Variants in FGFR2 observed in about 807,000 individuals in gnomAD.
The protein encoded by FGFR2 is fibroblast growth factor receptor 2.
FGFR2 carries 19 observed loss-of-function variants against 95.9 expected under a neutral mutation model. That is an observed-to-expected ratio of 0.20 (90% CI 0.14 to 0.29). FGFR2 has a LOEUF of 0.29. Ranked by LOEUF, FGFR2 falls within the 10% of genes least tolerant of loss-of-function variation. The pLI is 1.00. For synonymous variants in FGFR2, 392 were observed against 393.3 expected, an observed-to-expected ratio of 1.00 and a Z score of 0.04; for missense variants, 707 against 1,056.9, an observed-to-expected ratio of 0.67 and a Z score of 4.59.
chr10:121,573,567 G>C (rs1859195018), intron 2 of FGFR2, among the ~76,000 whole-genome samples: 1 of 152,058 alleles, frequency 6.6e-6, no homozygotes, highest in Admixed American at 6.6e-5. Context: ...GGGGAAAAAG[G>C]AGAGGAGAGA....
rs1554915724 is a variant in FGFR2 at position 121,498,610 on chromosome 10, G to C, written c.1562-5C>G. The C allele has an allele frequency of 6.2e-7, 1 of 1,612,708 alleles. No individual in the cohort carries two copies. The highest frequency in any genetic ancestry group is 8.5e-7 in the Non-Finnish European group (1 of 1,178,726). ...GGTCTTTCTCTGTGGCATCATCTAT[G>C]AACAGTAGGCATATTCACAAATCAG... is the stretch of plus-strand genomic sequence containing the variant. On this transcript the variant is annotated splice_polypyrimidine_tract_variant and splice_region_variant and intron_variant, in intron 11 of 17. Coordinates refer to ENST00000358487, the MANE Select transcript of FGFR2 (RefSeq NM_000141.5).
chr10:121,571,377 C>A (rs993762972), intron 2 of FGFR2, among the ~76,000 whole-genome samples: 9 of 140,460 alleles, frequency 6.4e-5, no homozygotes, highest in African/African-American at 2.4e-4. Context: ...CGGCTCACTG[C>A]AAGCTCCACC....
At chr10:121,583,636 G>A (rs1332738661) in intron 2 of FGFR2, 3 of 153,442 alleles carry the variant, frequency 2.0e-5, no homozygotes, top group Admixed American at 6.6e-5. Context: ...TTCTTCAAAT[G>A]TCTTTAGGAG....
At chr10:121,570,955 G>A (rs918561814) in intron 2 of FGFR2, among the ~76,000 whole-genome samples, 3 of 152,156 alleles carry the variant, frequency 2.0e-5, no homozygotes, top group Non-Finnish European at 4.4e-5. Context: ...TCAAATACTT[G>A]GGAAGTACCA....
At chr10:121,568,663 T>G (rs1489104847) in intron 2 of FGFR2, among the ~76,000 whole-genome samples, 1 of 152,080 alleles carries the variant, frequency 6.6e-6, no homozygotes, top group East Asian at 1.9e-4. Context: ...CATTTGCAAT[T>G]GTGATGCAGA....
intron 6 of FGFR2, among the ~76,000 whole-genome samples, chr10:121,520,937 T>A (rs894698682): frequency 1.4e-4 from 21 of 152,200 alleles, no homozygotes; most frequent in African/African-American, 5.1e-4. Context: ...GCCACCACGC[T>A]CGGCTCCAGT....
At chr10:121,494,531 GA>G (rs1375984705) in intron 13 of FGFR2, among the ~76,000 whole-genome samples, 1 of 152,124 alleles carries the variant, frequency 6.6e-6, no homozygotes, top group African/African-American at 2.4e-5. Context: ...ATCAAGACCA[GA>G]ATATCAAAAT....
At chr10:121,492,138 T>C (rs534765739) in intron 13 of FGFR2, among the ~76,000 whole-genome samples, 18 of 152,248 alleles carry the variant, frequency 1.2e-4, no homozygotes, top group Middle Eastern at 3.4e-3. Context: ...ATCACGCCAC[T>C]GCACTCCAGC....
intron 6 of FGFR2, among the ~76,000 whole-genome samples, chr10:121,522,416 G>C (rs1029417285): frequency 6.6e-6 from 1 of 152,096 alleles, no homozygotes; most frequent in Non-Finnish European, 1.5e-5. Flanking sequence ...AAGTTAGCCA[G>C]ACATGGTGGT....
rs1000659008 is a variant in FGFR2, at chr10:121,593,935, G to C, written c.-118C>G. 48 of 927,570 alleles carry C rather than the reference G, an allele frequency of 5.2e-5. No homozygotes were observed. Among genetic ancestry groups the C allele is most frequent in the Non-Finnish European group, 7.7e-5 (44 of 570,584 alleles). 57.5% of individuals were successfully genotyped at this position (927,570 alleles called of 1,614,324 possible). A position where few individuals can be genotyped will look rare whatever the true frequency, so the allele number is the denominator to read the frequency against. On this transcript the variant is annotated 5_prime_UTR_variant, in exon 2 of 18. Transcript: ENST00000358487. ...ATGCCTTCAGCCTGCGGTGGGCTCAGGAACCGAGGCGCTGCCGCTGCTGCT... is the reference window on the plus strand; with the variant it reads ...ATGCCTTCAGCCTGCGGTGGGCTCACGAACCGAGGCGCTGCCGCTGCTGCT...
At chr10:121,560,805 C>T (rs1379599292) in intron 4 of FGFR2, among the ~76,000 whole-genome samples, 1 of 152,056 alleles carries the variant, frequency 6.6e-6, no homozygotes, top group Non-Finnish European at 1.5e-5. Context: ...CAGGGCAGAC[C>T]TCCACGTGCA....
At chr10:121,559,152 C>T (rs189467285) in intron 4 of FGFR2, among the ~76,000 whole-genome samples, 64 of 140,270 alleles carry the variant, frequency 4.6e-4, no homozygotes, top group African/African-American at 1.6e-3. Context: ...AGCCCAAAAA[C>T]GTCACCATCA....
chr10:121,487,956 C>T lies in FGFR2; in HGVS notation c.1986+35G>A, dbSNP rs775716570. 15 of 1,613,734 alleles carry T rather than the reference C, an allele frequency of 9.3e-6. 1 individual carries two copies. In the Admixed American group the frequency reaches 1.0e-4, roughly 11 times the overall value. ...CCTGGAACATTCTGAGCCTCACCCC[C>T]GCCCCTGCCCACTGTGTTACTGCCA... On this transcript the variant is annotated intron_variant, in intron 14 of 17. Coordinates refer to ENST00000358487, the MANE Select transcript of FGFR2 (RefSeq NM_000141.5).
chr10:121,562,745 A>C lies in FGFR2; in HGVS notation c.454+1757T>G, dbSNP rs138249318. ...AAAGAAGCCAATCTGTAAAGGCTAC[A>C]CACTGTATGATTACATACCCTAAAG... On this transcript the variant is annotated intron_variant, in intron 4 of 17. Transcript: ENST00000358487. Among the ~76,000 whole-genome samples the C allele has an allele frequency of 2.3e-3, 346 of 152,360 alleles. 3 individuals are homozygous for C. The highest frequency in any genetic ancestry group is 7.8e-3 in the African/African-American group (323 of 41,584).
At chr10:121,591,009 A>ACG (rs58728046) in intron 2 of FGFR2, among the ~76,000 whole-genome samples, 208 of 142,696 alleles carry the variant, frequency 1.5e-3, no homozygotes, top group South Asian at 7.2e-3. Context: ...ACACACACGC[A>ACG]CACTCTCTCT....
At chr10:121,537,047 T>C (rs1257316384) in intron 6 of FGFR2, among the ~76,000 whole-genome samples, 1 of 152,240 alleles carries the variant, frequency 6.6e-6, no homozygotes, top group African/African-American at 2.4e-5. Flanking sequence ...ATGTTAATCA[T>C]TTTCTTCTCA....
intron 3 of FGFR2, 93 bp from the exon 4 acceptor site, chr10:121,564,672 C>T: frequency 1.7e-6 from 2 of 1,149,936 alleles, no homozygotes; most frequent in Non-Finnish European, 1.3e-6. Flanking sequence ...ATAGCAAAGT[C>T]AACAACCCAG....
intron 6 of FGFR2, among the ~76,000 whole-genome samples, chr10:121,537,494 CG>C (rs552281914): frequency 1.7e-3 from 256 of 152,124 alleles, no homozygotes; most frequent in Middle Eastern, 3.4e-3. Flanking sequence ...CAATATGTAA[CG>C]GGGTCTCCCT....
At chr10:121,504,074 A>G (rs1189524818) in intron 9 of FGFR2, 133 bp from the exon 10 acceptor site, 1 of 1,009,792 alleles carries the variant, frequency 9.9e-7, no homozygotes, top group African/African-American at 1.6e-5. Context: ...CAGAAACCAA[A>G]TTAGAAAACC....
Sources: allele counts gnomAD v4.1 joint callset (sites outside exome capture counted in the v4.1 genomes callset), GRCh38; gene constraint gnomAD v4.1.1; transcripts MANE v1.5; gene names NCBI Gene and HGNC (gene_info 2026-07-23, HGNC 2026-07-21).